The following IKZF2 variants were observed in gnomAD, a reference collection of about 807,000 sequenced individuals.
IKZF2 encodes IKAROS family zinc finger 2.
IKZF2 carries 15 observed loss-of-function variants against 49.2 expected under a neutral mutation model. The ratio of observed to expected loss-of-function variants is 0.30; its 90% CI spans 0.20 to 0.47. IKZF2 has a LOEUF of 0.47. IKZF2 is among the 20% of genes least tolerant of loss of function. The pLI is 1.00. For missense variants in IKZF2, 567 were observed against 664.6 expected, an observed-to-expected ratio of 0.85 and a Z score of 1.61; for synonymous variants, 227 against 221.4, an observed-to-expected ratio of 1.03 and a Z score of -0.23.
intron 4 of IKZF2, among the ~76,000 whole-genome samples, chr2:213,123,461 G>T (rs2060122064): frequency 6.6e-6 from 1 of 152,210 alleles, no homozygotes; most frequent in South Asian, 2.1e-4. Context: ...TAAGTTATTT[G>T]AATTGTCGAA....
intron 4 of IKZF2, among the ~76,000 whole-genome samples, chr2:213,066,979 G>A (rs963106546): frequency 1.3e-5 from 2 of 152,052 alleles, no homozygotes; most frequent in African/African-American, 2.4e-5. Context: ...TGTGAAGACT[G>A]GAAAAGCATG....
intron 4 of IKZF2, among the ~76,000 whole-genome samples, chr2:213,123,804 A>T (rs2060133612): frequency 6.6e-6 from 1 of 152,198 alleles, no homozygotes; most frequent in Admixed American, 6.5e-5. Flanking sequence ...ATCATTCCTC[A>T]GAAGAAATGA....
intron 8 of IKZF2, 30 bp from the exon 9 acceptor site, chr2:213,008,114 A>T: frequency 3.7e-6 from 3 of 819,138 alleles, no homozygotes; most frequent in South Asian, 2.9e-5. Context: ...GAAAGAAGTA[A>T]AAAAAAAAAA....
At chr2:213,010,714 T>A (rs1380348793) in intron 8 of IKZF2, among the ~76,000 whole-genome samples, 2 of 151,560 alleles carry the variant, frequency 1.3e-5, no homozygotes, top group Non-Finnish European at 2.9e-5. Flanking sequence ...GAACTAGGAG[T>A]GGGTCTAAGA....
rs1017084014 is a variant in IKZF2, at chr2:213,002,659, T to C, written c.*4701A>G. 7 of 152,034 alleles carry C rather than the reference T, an allele frequency of 4.6e-5. No homozygotes were observed. In the South Asian group the frequency reaches 1.5e-3, roughly 32 times the overall value. 9.4% of individuals were successfully genotyped at this position (152,034 alleles called of 1,614,324 possible). ...GAGATTATGCTTTGGAGAATAGCAATGTGATATGACTGTTCAGTTTTGCTT... is the reference window on the plus strand; with the variant it reads ...GAGATTATGCTTTGGAGAATAGCAACGTGATATGACTGTTCAGTTTTGCTT... On this transcript the variant is annotated 3_prime_UTR_variant, in exon 9 of 9. Transcript: ENST00000434687.
At chr2:213,043,004 A>C (rs1699811818) in intron 6 of IKZF2, among the ~76,000 whole-genome samples, 1 of 152,164 alleles carries the variant, frequency 6.6e-6, no homozygotes. Flanking sequence ...GAAACCATGG[A>C]AAATGCTTAG....
intron 6 of IKZF2, among the ~76,000 whole-genome samples, chr2:213,028,973 GT>G (rs945319233): frequency 2.8e-4 from 43 of 152,086 alleles, no homozygotes; most frequent in East Asian, 1.9e-4. Flanking sequence ...ACATTGTGAT[GT>G]TTTTTCACCC....
rs1695348300 is a variant in IKZF2 at position 213,006,372 on chromosome 2, T to C, written c.*988A>G. ...TCTCCCCCTACTGTTAGCATAATTATATTTTTCTGCTGACTGGTTAACACT... is the reference window on the plus strand; with the variant it reads ...TCTCCCCCTACTGTTAGCATAATTACATTTTTCTGCTGACTGGTTAACACT... On this transcript the variant is annotated 3_prime_UTR_variant, in exon 9 of 9. Coordinates refer to ENST00000434687, the MANE Select transcript of IKZF2 (RefSeq NM_001387220.1). 1 of 152,662 alleles carries C rather than the reference T, an allele frequency of 6.6e-6. No homozygotes were observed. The highest frequency in any genetic ancestry group is 1.5e-5 in the Non-Finnish European group (1 of 67,988). 9.5% of individuals were successfully genotyped at this position (152,662 alleles called of 1,614,324 possible). A position where few individuals can be genotyped will look rare whatever the true frequency, so the allele number is the denominator to read the frequency against.
At chr2:213,146,714 C>A (rs2061073820) in intron 4 of IKZF2, among the ~76,000 whole-genome samples, 1 of 131,476 alleles carries the variant, frequency 7.6e-6, no homozygotes. Flanking sequence ...TACAAATATG[C>A]TCATAATTAA....
At chr2:213,107,101 A>G (rs1273420448) in intron 4 of IKZF2, among the ~76,000 whole-genome samples, 1 of 152,146 alleles carries the variant, frequency 6.6e-6, no homozygotes, top group African/African-American at 2.4e-5. Flanking sequence ...TCCATTGTCT[A>G]TGATGAGCAA....
intron 4 of IKZF2, among the ~76,000 whole-genome samples, chr2:213,071,054 C>G (rs1361289536): frequency 2.6e-5 from 4 of 151,972 alleles, no homozygotes; most frequent in Non-Finnish European, 5.9e-5. Context: ...TCATTTTATA[C>G]AAAAGGAAGC....
At chr2:213,059,939 A>G (rs774239147) in intron 4 of IKZF2, among the ~76,000 whole-genome samples, 20 of 151,540 alleles carry the variant, frequency 1.3e-4, no homozygotes, top group Admixed American at 2.6e-4. Flanking sequence ...CTCTAACAAT[A>G]CTATAAAGAA....
rs543020722 is a variant in IKZF2, at chr2:213,111,080, G to C, written c.139+36628C>G. On this transcript the variant is annotated intron_variant, in intron 4 of 8. Coordinates refer to ENST00000434687, the MANE Select transcript of IKZF2 (RefSeq NM_001387220.1). ...ACCTCCAGCTTGTTGTTTACCTTTTGGTTTTATTTATGCTATTTTTTGCCA... is the reference window on the plus strand; with the variant it reads ...ACCTCCAGCTTGTTGTTTACCTTTTCGTTTTATTTATGCTATTTTTTGCCA... 4.6e-5 allele frequency among the ~76,000 whole-genome samples: 7 copies of C among 151,508 alleles called. No individual in the cohort carries two copies. The South Asian group carries it at 1.5e-3, about 32-fold the overall frequency.
At chr2:213,061,567 A>G (rs1299260829) in intron 4 of IKZF2, among the ~76,000 whole-genome samples, 1 of 151,548 alleles carries the variant, frequency 6.6e-6, no homozygotes, top group African/African-American at 2.4e-5. Flanking sequence ...AACAGTCATT[A>G]CATACATTTG....
intron 4 of IKZF2, among the ~76,000 whole-genome samples, chr2:213,125,885 G>A (rs892124981): frequency 9.2e-5 from 14 of 151,956 alleles, no homozygotes; most frequent in African/African-American, 3.4e-4. Context: ...AACCCTATTT[G>A]TACTATTAAT....
At chr2:213,127,664 A>G (rs149188510) in intron 4 of IKZF2, among the ~76,000 whole-genome samples, 242 of 152,342 alleles carry the variant, frequency 1.6e-3, no homozygotes, top group Middle Eastern at 6.8e-3. Context: ...AAATAGTCCT[A>G]GCATAAAGAC....
At chr2:213,057,605 G>A (rs928990153) in intron 4 of IKZF2, among the ~76,000 whole-genome samples, 5 of 152,080 alleles carry the variant, frequency 3.3e-5, no homozygotes, top group Admixed American at 6.6e-5. Flanking sequence ...TCTTAATCCA[G>A]CAAATGTCTT....
intron 4 of IKZF2, among the ~76,000 whole-genome samples, chr2:213,090,238 G>A (rs1027649258): frequency 6.6e-6 from 1 of 152,146 alleles, no homozygotes; most frequent in Non-Finnish European, 1.5e-5. Flanking sequence ...TGGTGAAGAA[G>A]GTGAATTTAT....
rs1238154840 is a variant in IKZF2, at chr2:213,001,949, A to T, written c.*5411T>A. 2 of 151,686 alleles carry T rather than the reference A, an allele frequency of 1.3e-5. No homozygotes were observed. The highest frequency in any genetic ancestry group is 1.5e-5 in the Non-Finnish European group (1 of 67,560). 9.4% of individuals were successfully genotyped at this position (151,686 alleles called of 1,614,324 possible). A position where few individuals can be genotyped will look rare whatever the true frequency, so the allele number is the denominator to read the frequency against. Reference sequence around the variant, plus strand: ...CCTTGTTACAGTGTAGTCATTTTTTAAAAAATCAATTTCCAGTAAATTAAA... The same window carrying T: ...CCTTGTTACAGTGTAGTCATTTTTTTAAAAATCAATTTCCAGTAAATTAAA... On this transcript the variant is annotated 3_prime_UTR_variant, in exon 9 of 9. Transcript: ENST00000434687.
Sources: gnomAD v4.1 joint callset for allele counts (sites outside exome capture counted in the v4.1 genomes callset) on GRCh38, gnomAD v4.1.1 for gene constraint, MANE v1.5 for transcripts, NCBI Gene and HGNC (gene_info 2026-07-23, HGNC 2026-07-21) for gene names.